ALDH5A1: variants seen among roughly 807,000 people sequenced by gnomAD.
The protein encoded by ALDH5A1 is aldehyde dehydrogenase 5 family member A1.
In ALDH5A1, 33 loss-of-function variants were observed where a neutral mutation model predicts 54.7. The ratio of observed to expected loss-of-function variants is 0.60; its 90% CI spans 0.46 to 0.81. The LOEUF (loss-of-function observed/expected upper bound fraction) is 0.81, where lower values mean the gene tolerates loss of function less well. Ranked by LOEUF, ALDH5A1 falls within the 30% of genes least tolerant of loss-of-function variation. The pLI, the probability that ALDH5A1 is intolerant of heterozygous loss-of-function variation, is 0.00. For missense variants in ALDH5A1, 657 were observed against 711.0 expected, an observed-to-expected ratio of 0.92 and a Z score of 0.86; for synonymous variants, 294 against 292.7, an observed-to-expected ratio of 1.00 and a Z score of -0.05.
intron 4 of ALDH5A1, among the ~76,000 whole-genome samples, chr6:24,510,412 C>T (rs1195126233): frequency 3.3e-5 from 5 of 151,938 alleles, no homozygotes; most frequent in African/African-American, 1.2e-4. Flanking sequence ...TTGAAATCCC[C>T]CATTATTATT....
rs114857861 is a variant in ALDH5A1 at position 24,527,854 on chromosome 6, A to G, written c.1174-143A>G. The G allele has an allele frequency of 0.047, 41,559 of 879,334 alleles. 1,298 individuals are homozygous for G. The highest frequency in any genetic ancestry group is 0.062 in the Non-Finnish European group (35,050 of 568,864). The allele number at this position is 879,334 out of a possible 1,614,324, so 54.5% of individuals were successfully genotyped here. On this transcript the variant is annotated intron_variant, in intron 7 of 9. Transcript: ENST00000357578. ...AATCTCTGCAAATGTGGTTCCTTCT[A>G]CAAAAGGAAACCAGCATGCTTTATT...
Position 24,517,370 on chromosome 6 carries a change from A to G in ALDH5A1, c.870+2060A>G, listed in dbSNP as rs1195618930. ...TTTGTCATGCTATAAACTCATACTC[A>G]GGGAGTAGTGCTGTGGAATCCTACC... On this transcript the variant is annotated intron_variant, in intron 5 of 9. Transcript: ENST00000357578. Among the ~76,000 whole-genome samples, 10 of 152,228 alleles carry G rather than the reference A, an allele frequency of 6.6e-5. 1 individual carries two copies. The East Asian group carries it at 1.9e-3, about 29-fold the overall frequency.
At position 24,528,000 on chromosome 6, in the gene ALDH5A1, G is replaced by C; in HGVS notation, c.1177G>C (p.Glu393Gln). The part of the protein sequence containing the change: ...LINEKAVEKV[E>Q]KQVNDAVSKG... ...TTTTTTCTTCCTCATTACACAGGTG[G>C]AGAAACAGGTGAATGATGCCGTTTC... is the stretch of plus-strand genomic sequence containing the variant. Residue 393 changes from glutamate to glutamine, a missense_variant, in exon 8 of 10, where the codon GAG becomes CAG. Glu to Gln is a conservative substitution (Grantham distance 29). Around this residue, in one of 2 missense-constraint regions of ALDH5A1, gnomAD observed 425 missense variants for 516.4 expected, o/e 0.82. Transcript: ENST00000357578. The C allele has an allele frequency of 6.2e-7, 1 of 1,613,962 alleles. No homozygotes were observed. Among genetic ancestry groups the C allele is most frequent in the Non-Finnish European group, 8.5e-7 (1 of 1,179,948 alleles).
In ALDH5A1 at chr6:24,518,169, T is replaced by C. The variant is rs552570048; in HGVS notation, c.871-2232T>C. ...AGAGAGCTGTTTTGCTTTCTGTTTC[T>C]TTCTCTTTCTTTTGCCTATTAAACT... On this transcript the variant is annotated intron_variant, in intron 5 of 9. Transcript: ENST00000357578. This position sits in a 1 kb window ranked among gnomAD's most constrained non-coding sequence, Gnocchi z 4.2. 1.3e-5 allele frequency among the ~76,000 whole-genome samples: 2 copies of C among 152,344 alleles called. No homozygotes were observed. Among genetic ancestry groups the C allele is most frequent in the Non-Finnish European group, 2.9e-5 (2 of 68,028 alleles).
intron 7 of ALDH5A1, among the ~76,000 whole-genome samples, chr6:24,527,278 T>A (rs897435501): frequency 6.6e-6 from 1 of 151,902 alleles, no homozygotes; most frequent in Non-Finnish European, 1.5e-5. Context: ...GCATCTTTTT[T>A]AAAACAACTA....
At chr6:24,529,588 T>G (rs1311257076) in intron 8 of ALDH5A1, among the ~76,000 whole-genome samples, 1 of 152,144 alleles carries the variant, frequency 6.6e-6, no homozygotes, top group Non-Finnish European at 1.5e-5. Context: ...GTTCTTAAAT[T>G]TTACTATCTG....
intron 5 of ALDH5A1, among the ~76,000 whole-genome samples, chr6:24,516,432 C>T (rs1331974895): frequency 1.1e-5 from 1 of 87,786 alleles, no homozygotes; most frequent in African/African-American, 4.6e-5. Flanking sequence ...CAGAGTGAGA[C>T]TCTGTCTCAA....
At chr6:24,529,309 G>A (rs978987476) in intron 8 of ALDH5A1, among the ~76,000 whole-genome samples, 1 of 151,938 alleles carries the variant, frequency 6.6e-6, no homozygotes, top group African/African-American at 2.4e-5. Flanking sequence ...TGGGACTACA[G>A]GCATGTGCCA....
In ALDH5A1 at chr6:24,524,335, A is replaced by C. The variant is rs575105712; in HGVS notation, c.1173+1410A>C. Among the ~76,000 whole-genome samples, 5 of 152,316 alleles carry C rather than the reference A, an allele frequency of 3.3e-5. No homozygotes were observed. The East Asian group carries it at 9.7e-4, about 29-fold the overall frequency. Reference sequence around the variant, plus strand: ...AAATCAGGAAGACAGTAGAAGCTGAAGATTGTGTGTGGGAAAGAAGGGAGG... The same window carrying C: ...AAATCAGGAAGACAGTAGAAGCTGACGATTGTGTGTGGGAAAGAAGGGAGG... On this transcript the variant is annotated intron_variant, in intron 7 of 9. Transcript: ENST00000357578.
intron 7 of ALDH5A1, among the ~76,000 whole-genome samples, chr6:24,525,547 AG>A (rs1393925618): frequency 2.0e-3 from 301 of 151,484 alleles, no homozygotes; most frequent in Middle Eastern, 0.01. Context: ...AAAAAAAAAA[AG>A]AAAAGAAAAA....
At chr6:24,496,003 G>A (rs374188369) in intron 1 of ALDH5A1, among the ~76,000 whole-genome samples, 1 of 152,150 alleles carries the variant, frequency 6.6e-6, no homozygotes, top group Non-Finnish European at 1.5e-5. Context: ...GAAGAATAGA[G>A]TAAGAAGAAA....
At chr6:24,527,509 T>A (rs1341044022) in intron 7 of ALDH5A1, among the ~76,000 whole-genome samples, 1 of 151,970 alleles carries the variant, frequency 6.6e-6, no homozygotes, top group African/African-American at 2.4e-5. Flanking sequence ...GAGGCAGAGG[T>A]TGCAGTGAGC....
At chr6:24,530,359 T>C (rs1219956881) in intron 8 of ALDH5A1, among the ~76,000 whole-genome samples, 2 of 152,000 alleles carry the variant, frequency 1.3e-5, no homozygotes, top group Non-Finnish European at 2.9e-5. Flanking sequence ...TATTTTTCCT[T>C]TTTAAAAAAA....
intron 4 of ALDH5A1, among the ~76,000 whole-genome samples, chr6:24,508,865 C>T (rs993510502): frequency 1.3e-5 from 2 of 152,092 alleles, no homozygotes; most frequent in Middle Eastern, 3.2e-3. Context: ...TTTCCTTGAT[C>T]ATTAGTGATG....
chr6:24,495,977 G>A (rs1581801751), intron 1 of ALDH5A1, among the ~76,000 whole-genome samples: 1 of 152,322 alleles, frequency 6.6e-6, no homozygotes, highest in East Asian at 1.9e-4. Flanking sequence ...GTAAGGGGTG[G>A]AGGGCCATTA....
chr6:24,504,887 A>G lies in ALDH5A1; in HGVS notation c.628A>G (p.Met210Val). The change falls in exon 4 of 10, where the codon ATG becomes GTG. Residue 210 changes from methionine to valine, a missense_variant. This residue lies in a region of ALDH5A1 where 425 missense variants were observed against 516.4 expected (regional missense o/e 0.82). Coordinates refer to ENST00000357578, the MANE Select transcript of ALDH5A1 (RefSeq NM_001080.3). Reference protein sequence around the residue: ...VITPWNFPSAMITRKVGAALA... With the variant: ...VITPWNFPSAVITRKVGAALA... Reference sequence around the variant, plus strand: ...ACCCCAGTGGAATTTCCCCAGTGCCATGATCACCCGGAAGGTGGGGGCCGC... The same window carrying G: ...ACCCCAGTGGAATTTCCCCAGTGCCGTGATCACCCGGAAGGTGGGGGCCGC... 6.2e-7 allele frequency: 1 copy of G among 1,614,170 alleles called. No homozygotes were observed. Among genetic ancestry groups the G allele is most frequent in the Non-Finnish European group, 8.5e-7 (1 of 1,180,018 alleles).
In ALDH5A1 at chr6:24,536,261, G is replaced by A. The variant is rs1289944160; in HGVS notation, c.*2549G>A. 2 of 152,176 alleles carry A rather than the reference G, an allele frequency of 1.3e-5. No homozygotes were observed. The highest frequency in any genetic ancestry group is 6.5e-5 in the Admixed American group (1 of 15,286). The allele number at this position is 152,176 out of a possible 1,614,324, so 9.4% of individuals were successfully genotyped here. On this transcript the variant is annotated 3_prime_UTR_variant, in exon 10 of 10. Coordinates refer to ENST00000357578, the MANE Select transcript of ALDH5A1 (RefSeq NM_001080.3). ...TGCCACCTGTTTTTATACAACCTGT[G>A]AGCTAAGAATGGTTTATATGTTTTC...
Position 24,515,214 on chromosome 6 carries a change from C to T in ALDH5A1, c.774C>T (p.Pro258=), listed in dbSNP as rs200789863. ...GIPSGVYNVI[P]CSRKNAKEVG... is the part of the protein sequence containing the mutation. The stretch of plus-strand genomic sequence containing the variant: ...CTTCAGGTGTATACAATGTTATTCC[C>T]TGTTCTCGAAAGAATGCCAAGGAAG... The change falls in exon 5 of 10, where the codon CCC becomes CCT. Residue 258 remains proline, a synonymous_variant. Coordinates refer to ENST00000357578, the MANE Select transcript of ALDH5A1 (RefSeq NM_001080.3). 4 of 1,612,644 alleles carry T rather than the reference C, an allele frequency of 2.5e-6. No individual in the cohort carries two copies. The highest frequency in any genetic ancestry group is 2.5e-6 in the Non-Finnish European group (3 of 1,179,732).
intron 4 of ALDH5A1, among the ~76,000 whole-genome samples, chr6:24,513,467 G>A (rs1431275831): frequency 1.3e-5 from 2 of 152,176 alleles, no homozygotes; most frequent in Non-Finnish European, 2.9e-5. Context: ...AGAAGGCCCA[G>A]TTAGGAATAT....
Sources: gnomAD v4.1 joint callset for allele counts (sites outside exome capture counted in the v4.1 genomes callset) on GRCh38, gnomAD v4.1.1 for gene constraint, gnomAD v4.1.1 regional missense constraint, Gnocchi (gnomAD v3.1) non-coding constraint, MANE v1.5 for transcripts, NCBI Gene and HGNC (gene_info 2026-07-23, HGNC 2026-07-21) for gene names.